Variants in NMNAT2 observed in about 807,000 individuals in gnomAD.
NMNAT2 encodes nicotinamide nucleotide adenylyltransferase 2, also known as nicotinamide/nicotinic acid mononucleotide adenylyltransferase 2.
NMNAT2 carries 11 observed loss-of-function variants against 41.6 expected under a neutral mutation model. The ratio of observed to expected loss-of-function variants is 0.26; its 90% CI spans 0.17 to 0.44. The LOEUF (loss-of-function observed/expected upper bound fraction) is 0.44. Among genes scored for constraint, NMNAT2 ranks in the 20% least tolerant of loss-of-function variants. NMNAT2 has a pLI of 1.00. For synonymous variants in NMNAT2, 148 were observed against 151.2 expected, an observed-to-expected ratio of 0.98 and a Z score of 0.16; for missense variants, 288 against 407.7, an observed-to-expected ratio of 0.71 and a Z score of 2.53.
chr1:183,362,127 C>T (rs1363401130), intron 1 of NMNAT2, among the ~76,000 whole-genome samples: 5 of 152,028 alleles, frequency 3.3e-5, no homozygotes, highest in African/African-American at 7.2e-5. Context: ...TTTGTCAAGA[C>T]GGGATTTCTT....
intron 1 of NMNAT2, among the ~76,000 whole-genome samples, chr1:183,375,563 C>A (rs574916594): frequency 1.1e-4 from 17 of 152,336 alleles, no homozygotes; most frequent in African/African-American, 3.8e-4. Context: ...TCTAAGAAAA[C>A]TTCTTGGATT....
At chr1:183,293,881 T>C in intron 1 of NMNAT2, 88 bp from the exon 2 acceptor site, 2 of 886,534 alleles carry the variant, frequency 2.3e-6, no homozygotes, top group Middle Eastern at 2.2e-4. Context: ...AGCTCTGTAA[T>C]GCTGGGGTTT....
chr1:183,355,398 G>A (rs1157928620), intron 1 of NMNAT2, among the ~76,000 whole-genome samples: 8 of 152,276 alleles, frequency 5.3e-5, no homozygotes, highest in Non-Finnish European at 7.4e-5. Context: ...ATGATTGGGC[G>A]GCACTCCAGG....
intron 8 of NMNAT2, among the ~76,000 whole-genome samples, chr1:183,262,830 C>T (rs1660697631): frequency 6.6e-6 from 1 of 152,214 alleles, no homozygotes; most frequent in African/African-American, 2.4e-5. Context: ...TTGCCAATTA[C>T]GGATCCCAGA....
intron 1 of NMNAT2, among the ~76,000 whole-genome samples, chr1:183,414,631 C>A (rs1275565503): frequency 6.6e-6 from 1 of 152,208 alleles, no homozygotes; most frequent in Non-Finnish European, 1.5e-5. Flanking sequence ...ATTTTAGTTA[C>A]AGTTGAGTAT....
chr1:183,349,099 A>G (rs544930300), intron 1 of NMNAT2, among the ~76,000 whole-genome samples: 2 of 152,334 alleles, frequency 1.3e-5, no homozygotes, highest in South Asian at 2.1e-4. Context: ...TCTCTGATCT[A>G]CACTGTCCTA....
At chr1:183,310,400 T>C (rs1426280155) in intron 1 of NMNAT2, among the ~76,000 whole-genome samples, 1 of 152,226 alleles carries the variant, frequency 6.6e-6, no homozygotes, top group Admixed American at 6.5e-5. Context: ...CCAGAATGCC[T>C]CTGATATAAA....
At chr1:183,389,011 C>T (rs530271703) in intron 1 of NMNAT2, among the ~76,000 whole-genome samples, 11 of 152,328 alleles carry the variant, frequency 7.2e-5, no homozygotes, top group African/African-American at 2.6e-4. Flanking sequence ...GAAAGGGTTT[C>T]ACTGGTGATT....
intron 1 of NMNAT2, among the ~76,000 whole-genome samples, chr1:183,302,043 G>A (rs1661868093): frequency 6.6e-6 from 1 of 152,218 alleles, no homozygotes. Context: ...AGTGCTGGAT[G>A]ATAAAGGAAG....
chr1:183,341,404 AT>A (rs1338460976), intron 1 of NMNAT2, among the ~76,000 whole-genome samples: 2 of 151,416 alleles, frequency 1.3e-5, no homozygotes, highest in Non-Finnish European at 2.9e-5. Context: ...AAGGCCAAGC[AT>A]GGTGACTCAC....
intron 7 of NMNAT2, among the ~76,000 whole-genome samples, chr1:183,281,652 T>C (rs1355187479): frequency 2.0e-5 from 3 of 152,286 alleles, no homozygotes; most frequent in Non-Finnish European, 2.9e-5. Context: ...ATATGGCCAC[T>C]GGAGGGCAGC....
chr1:183,262,844 G>T (rs1220147825), intron 8 of NMNAT2, among the ~76,000 whole-genome samples: 1 of 152,210 alleles, frequency 6.6e-6, no homozygotes, highest in Non-Finnish European at 1.5e-5. Context: ...TCCCAGATGG[G>T]GGAAGAGGGG....
At chr1:183,321,106 T>G (rs1223829241) in intron 1 of NMNAT2, among the ~76,000 whole-genome samples, 1 of 152,224 alleles carries the variant, frequency 6.6e-6, no homozygotes, top group East Asian at 1.9e-4. Context: ...GCAATTCGAT[T>G]ACAGAAGTGT....
At chr1:183,371,851 C>T (rs1663551117) in intron 1 of NMNAT2, among the ~76,000 whole-genome samples, 1 of 152,150 alleles carries the variant, frequency 6.6e-6, no homozygotes, top group East Asian at 1.9e-4. Flanking sequence ...GCAATCATGG[C>T]TCACTGCAGC....
At chr1:183,415,672 T>G (rs1027055235) in intron 1 of NMNAT2, among the ~76,000 whole-genome samples, 2 of 152,214 alleles carry the variant, frequency 1.3e-5, no homozygotes, top group East Asian at 3.8e-4. Flanking sequence ...GGTAATAATG[T>G]TTTTCTTATA....
chr1:183,300,080 T>A (rs1009164957), intron 1 of NMNAT2, among the ~76,000 whole-genome samples: 3 of 152,070 alleles, frequency 2.0e-5, no homozygotes, highest in African/African-American at 7.2e-5. Flanking sequence ...GGGAGCCCAT[T>A]TGCCCTTCCT....
chr1:183,315,505 A>C (rs895954117), intron 1 of NMNAT2, among the ~76,000 whole-genome samples: 3 of 152,126 alleles, frequency 2.0e-5, no homozygotes, highest in African/African-American at 7.2e-5. Flanking sequence ...AATTAAAGAC[A>C]TCATATCCAA....
chr1:183,347,270 A>G (rs1662950918), intron 1 of NMNAT2, among the ~76,000 whole-genome samples: 1 of 152,126 alleles, frequency 6.6e-6, no homozygotes, highest in Non-Finnish European at 1.5e-5. Context: ...CCTGGGCAAT[A>G]TAGTGAGATG....
intron 10 of NMNAT2, among the ~76,000 whole-genome samples, chr1:183,257,998 C>T (rs1660563673): frequency 1.3e-5 from 2 of 152,152 alleles, no homozygotes; most frequent in Non-Finnish European, 2.9e-5. Context: ...AAGCTTTCCT[C>T]TTAGAACTAT....
Sources: allele counts gnomAD v4.1 joint callset (sites outside exome capture counted in the v4.1 genomes callset), GRCh38; gene constraint gnomAD v4.1.1; transcripts MANE v1.5; gene names NCBI Gene and HGNC (gene_info 2026-07-23, HGNC 2026-07-21).